SMARCAD1: variants seen among roughly 807,000 people sequenced by gnomAD.
The protein encoded by SMARCAD1 is SNF2 related chromatin remodeling ATPase with DExD box 1.
A neutral mutation model predicts 127.1 loss-of-function variants in SMARCAD1; 25 were observed. The observed-to-expected ratio is 0.20, with a 90% CI of 0.14 to 0.27. The LOEUF is 0.27. SMARCAD1 is among the 10% of genes least tolerant of loss of function. The pLI, the probability that SMARCAD1 is intolerant of heterozygous loss-of-function variation, is 1.00. For synonymous variants in SMARCAD1, 400 were observed against 396.9 expected, an observed-to-expected ratio of 1.01 and a Z score of -0.09; for missense variants, 807 against 1,206.0, an observed-to-expected ratio of 0.67 and a Z score of 4.90.
In SMARCAD1 at chr4:94,275,702, A is replaced by C. The variant is rs993731455; in HGVS notation, c.1809-637A>C. Among the ~76,000 whole-genome samples the C allele has an allele frequency of 8.5e-5, 13 of 152,238 alleles. 1 individual carries two copies. The highest frequency in any genetic ancestry group is 3.1e-4 in the African/African-American group (13 of 41,546). On this transcript the variant is annotated intron_variant, in intron 14 of 23. Transcript: ENST00000354268. Reference sequence around the variant, plus strand: ...CGTTCTTTTTTGTGCTTATTAAAATATAACACTTCATGGAGCAGATTACTT... The same window carrying C: ...CGTTCTTTTTTGTGCTTATTAAAATCTAACACTTCATGGAGCAGATTACTT...
At chr4:94,285,276 A>G (rs975388798) in intron 23 of SMARCAD1, among the ~76,000 whole-genome samples, 1 of 151,984 alleles carries the variant, frequency 6.6e-6, no homozygotes, top group African/African-American at 2.4e-5. Flanking sequence ...TTATTTTTGT[A>G]TATGTTTTTG....
At chr4:94,255,070 A>G (rs1749856402) in intron 9 of SMARCAD1, among the ~76,000 whole-genome samples, 1 of 152,088 alleles carries the variant, frequency 6.6e-6, no homozygotes, top group Non-Finnish European at 1.5e-5. Context: ...AAAGGAAACA[A>G]AAGCCAAAAA....
intron 6 of SMARCAD1, among the ~76,000 whole-genome samples, chr4:94,242,461 T>A (rs1579150890): frequency 1.3e-5 from 2 of 152,148 alleles, no homozygotes; most frequent in Non-Finnish European, 2.9e-5. Context: ...ACATTGCTGA[T>A]CTCTACCTCT....
At chr4:94,221,692 T>A (rs1359093167) in intron 2 of SMARCAD1, among the ~76,000 whole-genome samples, 2 of 152,138 alleles carry the variant, frequency 1.3e-5, no homozygotes, top group Non-Finnish European at 2.9e-5. Context: ...CATGAAGATG[T>A]TGTAGGGGAG....
intron 3 of SMARCAD1, among the ~76,000 whole-genome samples, chr4:94,229,315 C>T (rs1178134732): frequency 2.0e-5 from 3 of 152,134 alleles, no homozygotes; most frequent in Non-Finnish European, 4.4e-5. Context: ...TAGAACTTAA[C>T]ACTTGTATTT....
intron 4 of SMARCAD1, 148 bp from the exon 5 acceptor site, chr4:94,236,804 T>C: frequency 3.0e-6 from 2 of 675,504 alleles, no homozygotes; most frequent in South Asian, 3.5e-5. Context: ...TTTCTGAAAA[T>C]TTATCATAGG....
Position 94,259,095 on chromosome 4 carries a change from G to A in SMARCAD1, c.1282-5612G>A, listed in dbSNP as rs72886740. Among the ~76,000 whole-genome samples, 551 of 152,234 alleles carry A rather than the reference G, an allele frequency of 3.6e-3. 2 individuals are homozygous for A. The highest frequency in any genetic ancestry group is 0.01 in the Middle Eastern group (3 of 294). ...AACTGTTTTAGCCTCCCTTGTGATC[G>A]TTTGACAAAGTTCATTCCAATGGGA... On this transcript the variant is annotated intron_variant, in intron 9 of 23. Transcript: ENST00000354268.
intron 6 of SMARCAD1, among the ~76,000 whole-genome samples, chr4:94,248,207 C>T (rs1189292969): frequency 6.6e-6 from 1 of 152,210 alleles, no homozygotes; most frequent in African/African-American, 2.4e-5. Context: ...TCTTACATAG[C>T]ATAATGCTTT....
At chr4:94,228,331 A>G (rs1368361968) in intron 3 of SMARCAD1, among the ~76,000 whole-genome samples, 1 of 152,052 alleles carries the variant, frequency 6.6e-6, no homozygotes, top group African/African-American at 2.4e-5. Flanking sequence ...TTGCATTATC[A>G]CTCTTCGTAA....
chr4:94,216,208 T>A (rs1222836102), intron 2 of SMARCAD1, among the ~76,000 whole-genome samples: 3 of 152,108 alleles, frequency 2.0e-5, no homozygotes, highest in Admixed American at 2.0e-4. Context: ...CTAATACCCC[T>A]TCCTCCCTCC....
intron 9 of SMARCAD1, among the ~76,000 whole-genome samples, chr4:94,263,446 T>A (rs765215230): frequency 6.6e-6 from 1 of 152,042 alleles, no homozygotes; most frequent in African/African-American, 2.4e-5. Flanking sequence ...ATTTTGTCCC[T>A]GTGAAAAATA....
chr4:94,216,046 G>A (rs894833814), intron 2 of SMARCAD1, among the ~76,000 whole-genome samples: 3 of 152,170 alleles, frequency 2.0e-5, no homozygotes, highest in Non-Finnish European at 4.4e-5. Context: ...AGGCTGGGAA[G>A]TCCAAAATCA....
intron 23 of SMARCAD1, among the ~76,000 whole-genome samples, chr4:94,285,647 C>T (rs1397170421): frequency 6.6e-6 from 1 of 152,164 alleles, no homozygotes; most frequent in Non-Finnish European, 1.5e-5. Flanking sequence ...CTGTAAAAAT[C>T]AATATACTTT....
At position 94,251,344 on chromosome 4, in the gene SMARCAD1, A is replaced by G. The variant is rs1023628798; in HGVS notation, c.889+511A>G. Among the ~76,000 whole-genome samples, 4 of 152,224 alleles carry G rather than the reference A, an allele frequency of 2.6e-5. No homozygotes were observed. In the East Asian group the frequency reaches 7.7e-4, roughly 29 times the overall value. On this transcript the variant is annotated intron_variant, in intron 8 of 23. Coordinates refer to ENST00000354268, the MANE Select transcript of SMARCAD1 (RefSeq NM_020159.5). ...AGGAAGAGTTGAGTCATACATGTTT[A>G]GTAACATACCTAAGGAAGAATCAAG... is the stretch of plus-strand genomic sequence containing the variant.
In SMARCAD1 at chr4:94,245,458, G is replaced by A. The variant is rs192360695; in HGVS notation, c.706-4196G>A. Among the ~76,000 whole-genome samples the A allele has an allele frequency of 1.6e-4, 24 of 152,316 alleles. No homozygotes were observed. In the East Asian group the frequency reaches 4.1e-3, roughly 26 times the overall value. ...GTGGCATCCGGATGAATTTGGAACC[G>A]TACAGGCAGCTTTAGTGTAAAAGGA... On this transcript the variant is annotated intron_variant, in intron 6 of 23. Coordinates refer to ENST00000354268, the MANE Select transcript of SMARCAD1 (RefSeq NM_020159.5).
At chr4:94,218,807 A>G (rs766850018) in intron 2 of SMARCAD1, among the ~76,000 whole-genome samples, 1 of 151,954 alleles carries the variant, frequency 6.6e-6, no homozygotes, top group African/African-American at 2.4e-5. Context: ...TTTATAGTCT[A>G]TTGTTTTGGT....
intron 2 of SMARCAD1, among the ~76,000 whole-genome samples, chr4:94,225,351 T>C (rs1278569774): frequency 6.6e-6 from 1 of 152,182 alleles, no homozygotes; most frequent in Non-Finnish European, 1.5e-5. Flanking sequence ...TTCTTTTGCA[T>C]CCCGGTGTGT....
chr4:94,246,882 A>G (rs1006888466), intron 6 of SMARCAD1, among the ~76,000 whole-genome samples: 2 of 152,228 alleles, frequency 1.3e-5, no homozygotes, highest in Admixed American at 6.5e-5. Context: ...TGTTTGATCT[A>G]ATTGGGAAAG....
chr4:94,249,559 A>AT, intron 6 of SMARCAD1, 95 bp from the exon 7 acceptor site: 2 of 745,170 alleles, frequency 2.7e-6, no homozygotes, highest in Non-Finnish European at 4.9e-6. Context: ...GATGATGATA[A>AT]TTTTCAGATC....
Sources: allele counts gnomAD v4.1 joint callset (sites outside exome capture counted in the v4.1 genomes callset), GRCh38; gene constraint gnomAD v4.1.1; transcripts MANE v1.5; gene names NCBI Gene and HGNC (gene_info 2026-07-23, HGNC 2026-07-21).